Variants in BMP6 observed in about 807,000 individuals in gnomAD.
The protein encoded by BMP6 is VG-1-R.
Under a neutral mutation model 54.1 loss-of-function variants are expected in BMP6, and 17 were observed. That is an observed-to-expected ratio of 0.31 (90% CI 0.22 to 0.47). The LOEUF is 0.47. Among genes scored for constraint, BMP6 ranks in the 20% least tolerant of loss-of-function variants. BMP6 has a pLI of 1.00. For synonymous variants in BMP6, 328 were observed against 291.2 expected, an observed-to-expected ratio of 1.13 and a Z score of -1.28; for missense variants, 720 against 690.4, an observed-to-expected ratio of 1.04 and a Z score of -0.48.
At chr6:7,848,453 T>C (rs1759098639) in intron 2 of BMP6, among the ~76,000 whole-genome samples, 4 of 152,184 alleles carry the variant, frequency 2.6e-5, no homozygotes, top group South Asian at 2.1e-4. Flanking sequence ...GACTCAGCTA[T>C]GTGAAGACAG....
At chr6:7,845,029 G>A (rs1029176272) in intron 1 of BMP6, 111 bp from the exon 2 acceptor site, 9 of 945,322 alleles carry the variant, frequency 9.5e-6, no homozygotes, top group African/African-American at 5.0e-5. Flanking sequence ...GTAGTAAGCC[G>A]TGGGTAATTG....
At chr6:7,841,742 A>G (rs941428901) in intron 1 of BMP6, among the ~76,000 whole-genome samples, 6 of 152,200 alleles carry the variant, frequency 3.9e-5, no homozygotes, top group Non-Finnish European at 8.8e-5. Context: ...AGGCTCGTGG[A>G]TGACACTAAG....
At chr6:7,804,678 T>G (rs1407275859) in intron 1 of BMP6, among the ~76,000 whole-genome samples, 2 of 152,214 alleles carry the variant, frequency 1.3e-5, no homozygotes, top group African/African-American at 2.4e-5. Context: ...CCAGTCACAG[T>G]GCTGGGTTTG....
chr6:7,859,058 C>G (rs1759293844), intron 2 of BMP6, among the ~76,000 whole-genome samples: 1 of 152,048 alleles, frequency 6.6e-6, no homozygotes, highest in East Asian at 1.9e-4. Context: ...CTGCACTGAC[C>G]CCGTAGGTGC....
At chr6:7,805,077 A>AGG (rs1758328694) in intron 1 of BMP6, among the ~76,000 whole-genome samples, 2 of 152,282 alleles carry the variant, frequency 1.3e-5, no homozygotes, top group South Asian at 4.1e-4. Context: ...CTATTTATAT[A>AGG]ATACTGTCAT....
At chr6:7,790,128 T>A (rs1758073625) in intron 1 of BMP6, among the ~76,000 whole-genome samples, 1 of 152,250 alleles carries the variant, frequency 6.6e-6, no homozygotes, top group African/African-American at 2.4e-5. Context: ...GAGCAATACA[T>A]GCCCCCTGCT....
chr6:7,783,374 G>C (rs1581246009), intron 1 of BMP6, among the ~76,000 whole-genome samples: 2 of 152,204 alleles, frequency 1.3e-5, no homozygotes, highest in South Asian at 4.1e-4. Context: ...CCTCTATGAC[G>C]CTGTATATTT....
intron 1 of BMP6, among the ~76,000 whole-genome samples, chr6:7,844,336 T>TC (rs1401831285): frequency 7.7e-6 from 1 of 129,262 alleles, no homozygotes; most frequent in African/African-American, 3.0e-5. Context: ...TTCTATCCTT[T>TC]CCCCCCAGTT....
At chr6:7,743,291 C>T (rs889278826) in intron 1 of BMP6, among the ~76,000 whole-genome samples, 3 of 152,146 alleles carry the variant, frequency 2.0e-5, no homozygotes, top group African/African-American at 7.2e-5. Context: ...TAGGAACGAA[C>T]AATAGTATAT....
chr6:7,732,443 C>G (rs1327448931), intron 1 of BMP6, among the ~76,000 whole-genome samples: 2 of 152,134 alleles, frequency 1.3e-5, no homozygotes, highest in African/African-American at 4.8e-5. Context: ...GGTATAAATC[C>G]TTTTTAAATG....
At chr6:7,871,598 T>G (rs1183000456) in intron 4 of BMP6, among the ~76,000 whole-genome samples, 1 of 152,238 alleles carries the variant, frequency 6.6e-6, no homozygotes, top group African/African-American at 2.4e-5. Context: ...GGGGGAAAAT[T>G]GCCTCTGGGC....
At chr6:7,878,923 C>A (rs1414253588) in intron 4 of BMP6, 151 bp from the exon 5 acceptor site, 4 of 762,064 alleles carry the variant, frequency 5.2e-6, no homozygotes, top group Admixed American at 2.1e-5. Flanking sequence ...CAGTCAGGAA[C>A]CTGATGTAGC....
At chr6:7,829,920 T>G (rs1330327208) in intron 1 of BMP6, among the ~76,000 whole-genome samples, 1 of 152,220 alleles carries the variant, frequency 6.6e-6, no homozygotes, top group Non-Finnish European at 1.5e-5. Context: ...TACTCTTGTC[T>G]TTGTTTCCAG....
chr6:7,732,219 A>C (rs1761873635), intron 1 of BMP6, among the ~76,000 whole-genome samples: 1 of 149,802 alleles, frequency 6.7e-6, no homozygotes, highest in South Asian at 2.1e-4. Context: ...AGCTACTCAC[A>C]GCAAAAACAG....
At chr6:7,802,560 G>A (rs1758284647) in intron 1 of BMP6, among the ~76,000 whole-genome samples, 1 of 152,202 alleles carries the variant, frequency 6.6e-6, no homozygotes, top group Non-Finnish European at 1.5e-5. Context: ...TAGATTTGTG[G>A]CGGGATTGAG....
At chr6:7,818,512 A>G (rs141086867) in intron 1 of BMP6, among the ~76,000 whole-genome samples, 75 of 152,352 alleles carry the variant, frequency 4.9e-4, no homozygotes, top group Admixed American at 1.7e-3. Flanking sequence ...TATAAGTTGC[A>G]CATTGTCGAC....
chr6:7,760,226 C>T (rs956207641), intron 1 of BMP6, among the ~76,000 whole-genome samples: 1 of 151,940 alleles, frequency 6.6e-6, no homozygotes, highest in Non-Finnish European at 1.5e-5. Context: ...TGTACCTGAC[C>T]TTCAAGTATA....
intron 1 of BMP6, among the ~76,000 whole-genome samples, chr6:7,819,059 G>A (rs1480564571): frequency 1.3e-5 from 2 of 152,158 alleles, no homozygotes; most frequent in Non-Finnish European, 2.9e-5. Flanking sequence ...CAGAAAGGGG[G>A]AAAAAGACAA....
chr6:7,861,210 C>G (rs1330928859), intron 2 of BMP6, among the ~76,000 whole-genome samples: 3 of 151,726 alleles, frequency 2.0e-5, no homozygotes, highest in African/African-American at 7.3e-5. Context: ...TCTGCCGTGT[C>G]GGGGTGAAAG....
Sources: allele counts gnomAD v4.1 joint callset (sites outside exome capture counted in the v4.1 genomes callset), GRCh38; gene constraint gnomAD v4.1.1; transcripts MANE v1.5; gene names NCBI Gene and HGNC (gene_info 2026-07-23, HGNC 2026-07-21).